Variants in ZC3H12B observed in about 807,000 individuals in gnomAD.
ZC3H12B encodes the protein probable ribonuclease ZC3H12B.
ZC3H12B carries 7 observed loss-of-function variants against 43.9 expected under a neutral mutation model. That is an observed-to-expected ratio of 0.16 (90% CI 0.09 to 0.30). The LOEUF (loss-of-function observed/expected upper bound fraction) is 0.30, where lower values mean the gene tolerates loss of function less well. Ranked by LOEUF, ZC3H12B falls within the 10% of genes least tolerant of loss-of-function variation. The probability of loss-of-function intolerance (pLI) is 1.00; values close to 1 mark genes in which losing one functional copy is unlikely to be tolerated. For synonymous variants in ZC3H12B, 222 were observed against 241.7 expected, an observed-to-expected ratio of 0.92 and a Z score of 0.76; for missense variants, 475 against 670.2, an observed-to-expected ratio of 0.71 and a Z score of 3.22.
chrX:65,187,626 G>T, the ZC3H12B span, among the ~76,000 whole-genome samples: 2 of 108,401 alleles, frequency 1.8e-5, no homozygotes, highest in South Asian at 8.1e-4. Flanking sequence ...TTTTGCACCA[G>T]CCCAACCTAA....
chrX:65,369,984 T>G (rs760158928), intron 2 of ZC3H12B, among the ~76,000 whole-genome samples: 1 of 111,611 alleles, frequency 9.0e-6, no homozygotes, highest in Admixed American at 9.6e-5. Context: ...TGGTGGCTTA[T>G]GCCTGCAATC....
the ZC3H12B span, among the ~76,000 whole-genome samples, chrX:65,102,683 C>T: frequency 5.3e-4 from 59 of 111,574 alleles, no homozygotes; most frequent in Non-Finnish European, 9.2e-4. Flanking sequence ...TTACAAGGCA[C>T]GTGAAGGACT....
chrX:65,442,038 A>G (rs1023884711), intron 3 of ZC3H12B, among the ~76,000 whole-genome samples: 3 of 95,584 alleles, frequency 3.1e-5, no homozygotes, highest in Non-Finnish European at 5.9e-5. Context: ...TAGTGGCCTG[A>G]CTCACTGATT....
At chrX:65,404,544 G>A (rs2066800207) in intron 3 of ZC3H12B, among the ~76,000 whole-genome samples, 3 of 111,400 alleles carry the variant, frequency 2.7e-5, no homozygotes, top group Admixed American at 1.9e-4. Flanking sequence ...TAAATGATCA[G>A]GAGTAGCTAT....
chrX:65,054,855 A>T, the ZC3H12B span, among the ~76,000 whole-genome samples: 1 of 111,119 alleles, frequency 9.0e-6, no homozygotes, highest in Non-Finnish European at 1.9e-5. Context: ...AGCAATTGTG[A>T]GTGGGAGTTC....
the ZC3H12B span, among the ~76,000 whole-genome samples, chrX:65,105,639 A>G: frequency 5.4e-5 from 6 of 111,035 alleles, no homozygotes; most frequent in Non-Finnish European, 1.1e-4. Flanking sequence ...AATCTGGGGA[A>G]ATTTGTTTTC....
At chrX:65,311,578 C>T in the ZC3H12B span, among the ~76,000 whole-genome samples, 2 of 111,925 alleles carry the variant, frequency 1.8e-5, no homozygotes, top group East Asian at 5.6e-4. Flanking sequence ...TTGTGGAAGA[C>T]AATGTGGTGA....
chrX:65,471,585 G>A (rs933660928), intron 3 of ZC3H12B, among the ~76,000 whole-genome samples: 2 of 107,519 alleles, frequency 1.9e-5, no homozygotes, highest in East Asian at 5.8e-4. Context: ...CGAGTAGCTG[G>A]GATTACAGAT....
At chrX:65,373,366 T>C (rs2066274277) in intron 2 of ZC3H12B, among the ~76,000 whole-genome samples, 1 of 111,616 alleles carries the variant, frequency 9.0e-6, no homozygotes, top group Non-Finnish European at 1.9e-5. Context: ...AGAAATACCA[T>C]TTGATCCAGC....
chrX:65,448,456 C>T (rs1310874179), intron 3 of ZC3H12B, among the ~76,000 whole-genome samples: 1 of 111,815 alleles, frequency 8.9e-6, no homozygotes, highest in Non-Finnish European at 1.9e-5. Flanking sequence ...GTATGTTTAT[C>T]ACAGCACAAT....
At chrX:65,186,052 T>G in the ZC3H12B span, 1 of 111,876 alleles carries the variant, frequency 8.9e-6, no homozygotes, top group African/African-American at 3.2e-5. Flanking sequence ...ATTATATTGT[T>G]TATGGAGAGT....
At chrX:65,420,195 G>T (rs73629440) in intron 3 of ZC3H12B, among the ~76,000 whole-genome samples, 15,884 of 111,422 alleles carry the variant, frequency 0.14, 2,731 homozygotes, top group African/African-American at 0.49. Context: ...CAGACCCAAA[G>T]CCTGCCCTGG....
At chrX:65,283,108 C>T in the ZC3H12B span, among the ~76,000 whole-genome samples, 1 of 111,361 alleles carries the variant, frequency 9.0e-6, no homozygotes, top group Non-Finnish European at 1.9e-5. Context: ...AGCATCACAT[C>T]GAAAAGCTTA....
chrX:65,290,529 T>A, the ZC3H12B span, among the ~76,000 whole-genome samples: 8 of 111,360 alleles, frequency 7.2e-5, no homozygotes, highest in African/African-American at 2.3e-4. Context: ...GGAAAAGATA[T>A]CAATATATCA....
the ZC3H12B span, among the ~76,000 whole-genome samples, chrX:65,073,186 A>G: frequency 8.9e-6 from 1 of 111,812 alleles, no homozygotes; most frequent in Non-Finnish European, 1.9e-5. Flanking sequence ...AGGTGTACAT[A>G]CACACACACA....
At chrX:65,084,909 C>T in the ZC3H12B span, among the ~76,000 whole-genome samples, 3 of 112,408 alleles carry the variant, frequency 2.7e-5, no homozygotes, top group East Asian at 2.8e-4. Context: ...TTAGATACAA[C>T]GGAGTATTAT....
At chrX:65,313,398 C>A in the ZC3H12B span, among the ~76,000 whole-genome samples, 1 of 112,151 alleles carries the variant, frequency 8.9e-6, no homozygotes, top group African/African-American at 3.2e-5. Context: ...GAAGAGAGAG[C>A]TGAAGAGTTG....
chrX:65,416,718 G>C (rs917601092), intron 3 of ZC3H12B, among the ~76,000 whole-genome samples: 2 of 108,549 alleles, frequency 1.8e-5, no homozygotes, highest in African/African-American at 6.7e-5. Context: ...TGAACCGGAA[G>C]GCGGAGCTTG....
chrX:65,311,155 T>C, the ZC3H12B span, among the ~76,000 whole-genome samples: 1 of 112,008 alleles, frequency 8.9e-6, no homozygotes, highest in Admixed American at 9.5e-5. Flanking sequence ...TGGGATCTAA[T>C]TAAACTAAAG....
Sources: gnomAD v4.1 joint callset for allele counts (sites outside exome capture counted in the v4.1 genomes callset) on GRCh38, gnomAD v4.1.1 for gene constraint, MANE v1.5 for transcripts, NCBI Gene and HGNC (gene_info 2026-07-23, HGNC 2026-07-21) for gene names.